Variants in PTPN3 observed in about 807,000 individuals in gnomAD.
The protein encoded by PTPN3 is protein tyrosine phosphatase non-receptor type 3, also known as tyrosine-protein phosphatase non-receptor type 3.
Under a neutral mutation model 132.7 loss-of-function variants are expected in PTPN3, and 96 were observed. That is an observed-to-expected ratio of 0.72 (90% CI 0.61 to 0.86). The LOEUF is 0.86. Ranked by LOEUF, PTPN3 falls within the 40% of genes least tolerant of loss-of-function variation. The probability of loss-of-function intolerance (pLI) is 0.00; values close to 1 mark genes in which losing one functional copy is unlikely to be tolerated. For synonymous variants in PTPN3, 398 were observed against 429.0 expected, an observed-to-expected ratio of 0.93 and a Z score of 0.89; for missense variants, 1,125 against 1,159.6, an observed-to-expected ratio of 0.97 and a Z score of 0.43.
chr9:109,484,938 A>G (rs571748707), intron 1 of PTPN3, among the ~76,000 whole-genome samples: 1 of 152,274 alleles, frequency 6.6e-6, no homozygotes, highest in African/African-American at 2.4e-5. Context: ...CCTTATCAAG[A>G]GTCATATAAG....
chr9:109,451,487 C>T (rs1845244330), intron 5 of PTPN3: 2 of 835,498 alleles, frequency 2.4e-6, no homozygotes, highest in African/African-American at 1.9e-5. Flanking sequence ...AATCTGCCTC[C>T]CTGTAGCCTC....
chr9:109,409,554 C>A (rs574367954), intron 16 of PTPN3, among the ~76,000 whole-genome samples: 1 of 151,986 alleles, frequency 6.6e-6, no homozygotes, highest in South Asian at 2.1e-4. Flanking sequence ...AGGCTGGGTG[C>A]GGTGGTTCAC....
At chr9:109,469,093 G>A (rs1173008431) in intron 1 of PTPN3, among the ~76,000 whole-genome samples, 2 of 152,224 alleles carry the variant, frequency 1.3e-5, no homozygotes, top group Admixed American at 1.3e-4. Context: ...GGGCCCATGA[G>A]ACACCAGAGC....
chr9:109,465,706 C>CA (rs34634972), intron 1 of PTPN3, among the ~76,000 whole-genome samples: 27,474 of 65,390 alleles, frequency 0.42, 6,042 homozygotes, highest in Middle Eastern at 0.54. Context: ...AACTCTGTCT[C>CA]AAAAAAAAAA....
At chr9:109,476,778 C>T (rs879136151) in intron 1 of PTPN3, among the ~76,000 whole-genome samples, 3 of 152,180 alleles carry the variant, frequency 2.0e-5, no homozygotes, top group Non-Finnish European at 1.5e-5. Flanking sequence ...TCATTCTTAA[C>T]GCAGCACAGG....
chr9:109,454,784 A>T (rs1352565925), intron 4 of PTPN3, among the ~76,000 whole-genome samples: 4 of 152,258 alleles, frequency 2.6e-5, no homozygotes, highest in Non-Finnish European at 5.9e-5. Context: ...ACATCAGCAC[A>T]GACTGAGTTA....
At chr9:109,449,324 T>C in intron 5 of PTPN3, 1 of 987,648 alleles carries the variant, frequency 1.0e-6, no homozygotes, top group Non-Finnish European at 1.2e-6. Context: ...AGGAGGGGAG[T>C]CTGTGAAGAC....
chr9:109,484,969 C>T (rs1288022472), intron 1 of PTPN3, among the ~76,000 whole-genome samples: 1 of 152,188 alleles, frequency 6.6e-6, no homozygotes, highest in African/African-American at 2.4e-5. Flanking sequence ...GTGGCTCACA[C>T]CTGTAATCCC....
intron 12 of PTPN3, 134 bp from the exon 13 acceptor site, chr9:109,422,986 G>T: frequency 9.0e-7 from 1 of 1,108,156 alleles, no homozygotes. Flanking sequence ...GGGGAGTAGA[G>T]GGAGACAGCT....
chr9:109,388,660 A>T (rs1445670590), intron 22 of PTPN3, among the ~76,000 whole-genome samples: 3 of 152,162 alleles, frequency 2.0e-5, no homozygotes, highest in Admixed American at 2.0e-4. Context: ...GAGGGAAAGA[A>T]GGGGGCTGCT....
At chr9:109,427,851 GC>G (rs913444841) in intron 11 of PTPN3, among the ~76,000 whole-genome samples, 135 of 152,310 alleles carry the variant, frequency 8.9e-4, no homozygotes, top group African/African-American at 3.2e-3. Context: ...AAATCATGCA[GC>G]ATAAAAAGAT....
At chr9:109,522,358 G>A in the PTPN3 span, among the ~76,000 whole-genome samples, 1 of 152,178 alleles carries the variant, frequency 6.6e-6, no homozygotes, top group South Asian at 2.1e-4. Flanking sequence ...GAAGTCCAGG[G>A]CCTGGCCTGA....
chr9:109,510,558 T>TAAAAAA, the PTPN3 span, among the ~76,000 whole-genome samples: 97 of 74,142 alleles, frequency 1.3e-3, 2 homozygotes, highest in African/African-American at 4.6e-3. Flanking sequence ...AACTTTGTCT[T>TAAAAAA]AAAAAAAAAA....
the PTPN3 span, among the ~76,000 whole-genome samples, chr9:109,508,451 C>A: frequency 2.0e-5 from 3 of 152,178 alleles, no homozygotes. Flanking sequence ...TGAGCCACCG[C>A]GCCTGGCCTG....
In PTPN3 at chr9:109,427,082, T is replaced by C; in HGVS notation, c.869A>G (p.Asn290Ser). Residue 290 changes from asparagine to serine, a missense_variant, in exon 12 of 26, where the codon AAT becomes AGT. Physicochemically the swap from Asn to Ser is conservative, Grantham distance 46. Coordinates refer to ENST00000374541, the MANE Select transcript of PTPN3 (RefSeq NM_002829.4). ...CCACAAGTTTTTGCAAGATCGGTAA[T>C]TCAGCATGTTGAAGGCCACAATATG... ...REHIVAFNML[N>S]YRSCKNLWKS... 4 of 1,614,188 alleles carry C rather than the reference T, an allele frequency of 2.5e-6. No homozygotes were observed. In the Admixed American group the frequency reaches 5.0e-5, roughly 20 times the overall value.
In PTPN3 at chr9:109,404,487, CT is replaced by C; in HGVS notation, c.1913del (p.Lys638ArgfsTer10). The C allele has an allele frequency of 6.5e-7, 1 of 1,540,974 alleles. No individual in the cohort carries two copies. The highest frequency in any genetic ancestry group is 8.8e-7 in the Non-Finnish European group (1 of 1,131,868). ...DTLEGSMAQL[K>X]KGLESGTVLI... Reference sequence around the variant, plus strand: ...GCACCGTCCCGCTTTCGAGGCCCTTCTTTAGCTGTGCCATGGATCCCTCCAA... The same window carrying C: ...GCACCGTCCCGCTTTCGAGGCCCTTCTTAGCTGTGCCATGGATCCCTCCAA... On this transcript the variant is annotated frameshift_variant, in exon 19 of 26. Coordinates refer to ENST00000374541, the MANE Select transcript of PTPN3 (RefSeq NM_002829.4). LOFTEE classifies it high-confidence loss of function.
chr9:109,401,811 G>C (rs550891282), intron 19 of PTPN3, among the ~76,000 whole-genome samples: 1 of 152,142 alleles, frequency 6.6e-6, no homozygotes, highest in East Asian at 1.9e-4. Context: ...GATTTTCCTG[G>C]AATATGCTCC....
chr9:109,534,036 C>G, the PTPN3 span: 1 of 769,238 alleles, frequency 1.3e-6, no homozygotes, highest in South Asian at 1.4e-5. Flanking sequence ...TGCGAAGGTA[C>G]CTCCTGGGGT....
intron 1 of PTPN3, among the ~76,000 whole-genome samples, chr9:109,487,419 C>G (rs1847263633): frequency 6.6e-6 from 1 of 152,324 alleles, no homozygotes; most frequent in South Asian, 2.1e-4. Context: ...AAAGGACAGT[C>G]CCTGGCGTCC....
Sources: gnomAD v4.1 joint callset for allele counts (sites outside exome capture counted in the v4.1 genomes callset) on GRCh38, gnomAD v4.1.1 for gene constraint, MANE v1.5 for transcripts, NCBI Gene and HGNC (gene_info 2026-07-23, HGNC 2026-07-21) for gene names.